The following CAP2 variants were observed in gnomAD, a reference collection of about 807,000 sequenced individuals.
The protein encoded by CAP2 is adenylyl cyclase-associated protein 2.
In CAP2, 24 loss-of-function variants were observed where a neutral mutation model predicts 57.7. That is an observed-to-expected ratio of 0.42 (90% CI 0.30 to 0.58). The LOEUF (loss-of-function observed/expected upper bound fraction) is 0.58. CAP2 is among the 20% of genes least tolerant of loss of function. CAP2 has a pLI of 0.22. For missense variants in CAP2, 501 were observed against 590.3 expected, an observed-to-expected ratio of 0.85 and a Z score of 1.57; for synonymous variants, 194 against 207.2, an observed-to-expected ratio of 0.94 and a Z score of 0.55.
At chr6:17,456,847 C>A (rs1225741767) in intron 3 of CAP2, among the ~76,000 whole-genome samples, 2 of 152,124 alleles carry the variant, frequency 1.3e-5, no homozygotes, top group Admixed American at 6.5e-5. Flanking sequence ...TTCATTTTGC[C>A]ATCCACATGG....
intron 7 of CAP2, among the ~76,000 whole-genome samples, chr6:17,523,992 C>T (rs1018153331): frequency 6.7e-6 from 1 of 149,700 alleles, no homozygotes; most frequent in Non-Finnish European, 1.5e-5. Context: ...GAGAGAATGG[C>T]TTGAACCCAG....
At chr6:17,439,539 T>G (rs556640474) in intron 3 of CAP2, among the ~76,000 whole-genome samples, 13 of 151,492 alleles carry the variant, frequency 8.6e-5, no homozygotes, top group African/African-American at 2.7e-4. Flanking sequence ...TGCACTTTAT[T>G]TCTATTGTTA....
intron 3 of CAP2, among the ~76,000 whole-genome samples, chr6:17,429,596 G>A (rs1035245203): frequency 1.1e-4 from 16 of 152,144 alleles, no homozygotes; most frequent in African/African-American, 3.6e-4. Flanking sequence ...TCATCAGGCT[G>A]TAAACAGGAT....
intron 3 of CAP2, among the ~76,000 whole-genome samples, chr6:17,439,237 T>C (rs1759997928): frequency 1.4e-5 from 2 of 143,056 alleles, no homozygotes; most frequent in African/African-American, 2.8e-5. Flanking sequence ...TGAATGACGT[T>C]AAGGCATGGA....
chr6:17,505,136 G>A (rs986280564), intron 4 of CAP2, among the ~76,000 whole-genome samples: 2 of 152,142 alleles, frequency 1.3e-5, no homozygotes, highest in African/African-American at 4.8e-5. Context: ...TAGCCTGTAG[G>A]TGGTAGGTAT....
intron 3 of CAP2, among the ~76,000 whole-genome samples, chr6:17,462,701 G>C (rs1334497843): frequency 6.6e-6 from 1 of 152,046 alleles, no homozygotes; most frequent in Non-Finnish European, 1.5e-5. Context: ...TGTTTTCAAG[G>C]GTCACCTATG....
At chr6:17,434,396 T>C (rs1030491490) in intron 3 of CAP2, among the ~76,000 whole-genome samples, 1 of 151,984 alleles carries the variant, frequency 6.6e-6, no homozygotes, top group Non-Finnish European at 1.5e-5. Context: ...GCCCGGCTAA[T>C]TTTTGTGTTT....
intron 3 of CAP2, among the ~76,000 whole-genome samples, chr6:17,443,962 C>A (rs949559874): frequency 6.6e-6 from 1 of 152,126 alleles, no homozygotes; most frequent in Admixed American, 6.6e-5. Flanking sequence ...CATGTGTTTG[C>A]AATACAAATC....
At chr6:17,440,032 A>G (rs543127860) in intron 3 of CAP2, among the ~76,000 whole-genome samples, 1 of 151,630 alleles carries the variant, frequency 6.6e-6, no homozygotes, top group South Asian at 2.1e-4. Context: ...TTTTTATTTA[A>G]AATCAGCTTG....
At chr6:17,445,316 A>G (rs1412303924) in intron 3 of CAP2, among the ~76,000 whole-genome samples, 5 of 152,212 alleles carry the variant, frequency 3.3e-5, no homozygotes, top group African/African-American at 9.6e-5. Flanking sequence ...CACGTTGGCC[A>G]GGCTGGTCTT....
chr6:17,442,723 A>ATTTT (rs34691133), intron 3 of CAP2, among the ~76,000 whole-genome samples: 5 of 146,774 alleles, frequency 3.4e-5, no homozygotes, highest in Admixed American at 2.0e-4. Flanking sequence ...CCCCATCACT[A>ATTTT]TTTTTTTTTT....
At chr6:17,433,062 G>A (rs990278556) in intron 3 of CAP2, among the ~76,000 whole-genome samples, 3 of 151,378 alleles carry the variant, frequency 2.0e-5, no homozygotes, top group African/African-American at 4.9e-5. Context: ...GGTGATGTGC[G>A]TGGTGTGTTA....
At chr6:17,518,752 C>G (rs1367771415) in intron 7 of CAP2, among the ~76,000 whole-genome samples, 1 of 152,088 alleles carries the variant, frequency 6.6e-6, no homozygotes, top group Non-Finnish European at 1.5e-5. Context: ...ATCCTCCTGC[C>G]TCAGCCTCCC....
In CAP2 at chr6:17,450,885, G is replaced by A. The variant is rs190406090; in HGVS notation, c.223-12111G>A. ...TATTGCCCTTTTGATTTGTGCTTTG[G>A]CTAAGGTAGAGCCTGAAATCAACTG... On this transcript the variant is annotated intron_variant, in intron 3 of 12. Coordinates refer to ENST00000229922, the MANE Select transcript of CAP2 (RefSeq NM_006366.3). 6.9e-4 allele frequency among the ~76,000 whole-genome samples: 105 copies of A among 152,212 alleles called. No homozygotes were observed. In the East Asian group the frequency reaches 0.019, roughly 28 times the overall value.
rs150120453 is a variant in CAP2, at chr6:17,491,402, G to A, written c.301-15767G>A. Among the ~76,000 whole-genome samples the A allele has an allele frequency of 1.4e-3, 212 of 152,192 alleles. 1 individual carries two copies. Among genetic ancestry groups the A allele is most frequent in the African/African-American group, 4.3e-3 (180 of 41,512 alleles). ...AACTCAGCAATAATTATTCCATTTCGTCCAGCTATCCATGATATGCTTTTT... is the reference window on the plus strand; with the variant it reads ...AACTCAGCAATAATTATTCCATTTCATCCAGCTATCCATGATATGCTTTTT... On this transcript the variant is annotated intron_variant, in intron 4 of 12. Transcript: ENST00000229922.
chr6:17,496,714 G>A (rs1761678458), intron 4 of CAP2, among the ~76,000 whole-genome samples: 1 of 152,186 alleles, frequency 6.6e-6, no homozygotes, highest in Non-Finnish European at 1.5e-5. Flanking sequence ...AGGATCACTG[G>A]AGCTAAGTAT....
At chr6:17,482,365 C>T (rs1050986867) in intron 4 of CAP2, among the ~76,000 whole-genome samples, 3 of 151,966 alleles carry the variant, frequency 2.0e-5, no homozygotes, top group East Asian at 3.9e-4. Flanking sequence ...AAAAATTAGC[C>T]GGGCATGGTG....
intron 3 of CAP2, among the ~76,000 whole-genome samples, chr6:17,446,735 G>C (rs1400170910): frequency 6.6e-6 from 1 of 152,204 alleles, no homozygotes; most frequent in Non-Finnish European, 1.5e-5. Flanking sequence ...GGAATATTTG[G>C]TGCTAGAATA....
At chr6:17,414,955 CATGAGATGGT>C (rs1209040733) in intron 1 of CAP2, among the ~76,000 whole-genome samples, 3 of 152,210 alleles carry the variant, frequency 2.0e-5, no homozygotes, top group Admixed American at 2.0e-4. Flanking sequence ...TTCTGACTAG[CATGAGATGGT>C]ATCTCATTGT....
Sources: gnomAD v4.1 joint callset for allele counts (sites outside exome capture counted in the v4.1 genomes callset) on GRCh38, gnomAD v4.1.1 for gene constraint, MANE v1.5 for transcripts, NCBI Gene and HGNC (gene_info 2026-07-23, HGNC 2026-07-21) for gene names.